The following SECISBP2 variants were observed in gnomAD, a reference collection of about 807,000 sequenced individuals.
The protein encoded by SECISBP2 is SECIS binding protein 2.
A neutral mutation model predicts 98.2 loss-of-function variants in SECISBP2; 96 were observed. The ratio of observed to expected loss-of-function variants is 0.98; its 90% CI spans 0.83 to 1.16. SECISBP2 has a LOEUF of 1.16. Ranked by LOEUF, SECISBP2 falls within the 50% of genes most tolerant of loss-of-function variation. The pLI, the probability that SECISBP2 is intolerant of heterozygous loss-of-function variation, is 0.00. For missense variants in SECISBP2, 1,046 were observed against 1,022.9 expected, an observed-to-expected ratio of 1.02 and a Z score of -0.31; for synonymous variants, 407 against 370.2, an observed-to-expected ratio of 1.10 and a Z score of -1.14.
chr9:89,326,246 T>C (rs1826681171), intron 4 of SECISBP2, among the ~76,000 whole-genome samples: 3 of 152,236 alleles, frequency 2.0e-5, no homozygotes, highest in Non-Finnish European at 4.4e-5. Context: ...ATTTGGTACC[T>C]GTTGCATTGT....
At chr9:89,364,728 G>A in the SECISBP2 span, 88 of 152,824 alleles carry the variant, frequency 5.8e-4, no homozygotes, top group African/African-American at 2.1e-3. Flanking sequence ...GTTGCAACCT[G>A]CCAGGGTGGA....
At chr9:89,319,508 G>C in intron 1 of SECISBP2, 144 bp from the exon 2 acceptor site, 1 of 907,434 alleles carries the variant, frequency 1.1e-6, no homozygotes, top group Non-Finnish European at 1.8e-6. Flanking sequence ...TAGCAAGCAG[G>C]TTCTTGTCTT....
At chr9:89,329,990 A>G (rs1003243815) in intron 5 of SECISBP2, 1 of 152,210 alleles carries the variant, frequency 6.6e-6, no homozygotes, top group African/African-American at 2.4e-5. Flanking sequence ...ACTTTAAATG[A>G]AAGGCTGTAT....
intron 6 of SECISBP2, 118 bp from the exon 7 acceptor site, chr9:89,334,404 G>T: frequency 1.1e-6 from 1 of 929,492 alleles, no homozygotes; most frequent in Non-Finnish European, 1.7e-6. Context: ...TGTTTTAAAT[G>T]ATAGCCTACA....
In SECISBP2 at chr9:89,334,616, A is replaced by G; in HGVS notation, c.975A>G (p.Leu325=). Residue 325 remains leucine, a synonymous_variant, in exon 7 of 17, where the codon TTA becomes TTG. Transcript: ENST00000375807. ...AAAATGTTACTTCTATGATAAACTT[A>G]AAGACCATTGCTTCATCAGCAGATC... ...APKNVTSMIN[L]KTIASSADPK... 4 of 1,614,070 alleles carry G rather than the reference A, an allele frequency of 2.5e-6. No individual in the cohort carries two copies. Among genetic ancestry groups the G allele is most frequent in the Non-Finnish European group, 2.5e-6 (3 of 1,179,894 alleles).
chr9:89,362,455 C>T, downstream of SECISBP2: 2 of 1,613,990 alleles, frequency 1.2e-6, no homozygotes, highest in Non-Finnish European at 1.7e-6. Context: ...GTCTTTGAAT[C>T]CTTGGTGGAA....
chr9:89,329,103 T>C, intron 5 of SECISBP2: 2 of 570,368 alleles, frequency 3.5e-6, no homozygotes, highest in Non-Finnish European at 3.1e-6. Context: ...GTTTTATTTG[T>C]GCGTTTTGTT....
chr9:89,355,092 A>G, intron 14 of SECISBP2: 2 of 985,422 alleles, frequency 2.0e-6, no homozygotes, highest in African/African-American at 1.7e-5. Flanking sequence ...GGGTTTAGAA[A>G]TTAATCTCCT....
intron 7 of SECISBP2, among the ~76,000 whole-genome samples, chr9:89,337,890 A>C (rs1829028876): frequency 6.6e-6 from 1 of 152,244 alleles, no homozygotes; most frequent in African/African-American, 2.4e-5. Context: ...GATGAGGAGC[A>C]GCCCCAGCTT....
At chr9:89,338,025 T>A (rs952937889) in intron 7 of SECISBP2, among the ~76,000 whole-genome samples, 1 of 152,232 alleles carries the variant, frequency 6.6e-6, no homozygotes, top group Non-Finnish European at 1.5e-5. Context: ...TTAGCAGTCC[T>A]GGGATGGTCC....
chr9:89,327,379 T>G (rs1267125663), intron 4 of SECISBP2, among the ~76,000 whole-genome samples: 1 of 152,116 alleles, frequency 6.6e-6, no homozygotes, highest in Non-Finnish European at 1.5e-5. Context: ...ATAATTAACC[T>G]TAGCTTACTG....
chr9:89,339,017 C>G lies in SECISBP2; in HGVS notation c.1212+437C>G, dbSNP rs538530272. On this transcript the variant is annotated intron_variant, in intron 8 of 16. Coordinates refer to ENST00000375807, the MANE Select transcript of SECISBP2 (RefSeq NM_024077.5). Reference sequence around the variant, plus strand: ...GTATAGAACCATTGAGGGCCCAAGTCAGGAAGATTTCAGGAATTTCCAAAA... The same window carrying G: ...GTATAGAACCATTGAGGGCCCAAGTGAGGAAGATTTCAGGAATTTCCAAAA... 1.1e-3 allele frequency among the ~76,000 whole-genome samples: 160 copies of G among 152,230 alleles called. 1 individual carries two copies. Among genetic ancestry groups the G allele is most frequent in the Non-Finnish European group, 1.2e-3 (84 of 68,032 alleles).
intron 2 of SECISBP2, chr9:89,324,825 T>C (rs1041482617): frequency 6.5e-6 from 1 of 152,938 alleles, no homozygotes; most frequent in Non-Finnish European, 1.5e-5. Context: ...AAAGAAAAAT[T>C]AGTGTTAAAT....
intron 9 of SECISBP2, among the ~76,000 whole-genome samples, chr9:89,341,072 A>T (rs555870046): frequency 6.6e-4 from 101 of 152,182 alleles, no homozygotes; most frequent in African/African-American, 2.3e-3. Context: ...TTGCCTGTAG[A>T]TGTGTATTGT....
downstream of SECISBP2, among the ~76,000 whole-genome samples, chr9:89,360,582 T>C (rs1214919005): frequency 6.6e-6 from 1 of 152,208 alleles, no homozygotes; most frequent in East Asian, 1.9e-4. Context: ...TTTCAACATG[T>C]CATGCAGCTG....
In SECISBP2 at chr9:89,334,624, T is replaced by C; in HGVS notation, c.983T>C (p.Ile328Thr). ...NVTSMINLKT[I>T]ASSADPKNVS... ...ACTTCTATGATAAACTTAAAGACCA[T>C]TGCTTCATCAGCAGATCCTAAAAAT... Residue 328 changes from isoleucine (I) to threonine (T), a missense_variant, in exon 7 of 17, where the codon ATT becomes ACT. Physicochemically the swap from Ile to Thr is moderately conservative, Grantham distance 89. Transcript: ENST00000375807. 1 of 1,614,050 alleles carries C rather than the reference T, an allele frequency of 6.2e-7. No homozygotes were observed.
At chr9:89,362,240 C>T, downstream of SECISBP2, 1 of 1,242,474 alleles carries the variant, frequency 8.0e-7, no homozygotes, top group Admixed American at 1.8e-5. Context: ...CACTGTCCCG[C>T]CTCTGCCCAT....
chr9:89,319,135 C>T, intron 1 of SECISBP2: 1 of 816,750 alleles, frequency 1.2e-6, no homozygotes, highest in Non-Finnish European at 1.5e-6. Context: ...TTCAAAGGCT[C>T]GTGGTGATAA....
At chr9:89,330,355 G>A (rs1214182965) in intron 5 of SECISBP2, 1 of 152,246 alleles carries the variant, frequency 6.6e-6, no homozygotes, top group Non-Finnish European at 1.5e-5. Flanking sequence ...TGTCTGGTTA[G>A]TAGTTCCTAA....
Sources: gnomAD v4.1 joint callset for allele counts (sites outside exome capture counted in the v4.1 genomes callset) on GRCh38, gnomAD v4.1.1 for gene constraint, MANE v1.5 for transcripts, NCBI Gene and HGNC (gene_info 2026-07-23, HGNC 2026-07-21) for gene names.